Variants in APC observed in about 807,000 individuals in gnomAD.
The protein encoded by APC is APC regulator of Wnt signaling pathway, also known as adenomatous polyposis coli protein.
A neutral mutation model predicts 247.0 loss-of-function variants in APC; 72 were observed. The observed-to-expected ratio is 0.29, with a 90% confidence interval of 0.24 to 0.35. APC has a LOEUF of 0.35. Ranked by LOEUF, APC falls within the 10% of genes least tolerant of loss-of-function variation. APC has a pLI of 1.00. For missense variants in APC, 3,400 were observed against 3,360.7 expected, an observed-to-expected ratio of 1.01 and a Z score of -0.29; for synonymous variants, 1,254 against 1,162.5, an observed-to-expected ratio of 1.08 and a Z score of -1.60.
chr5:112,764,259 AAAAAG>A (rs1271889186), intron 2 of APC, among the ~76,000 whole-genome samples: 2 of 151,906 alleles, frequency 1.3e-5, no homozygotes, highest in East Asian at 3.9e-4. Flanking sequence ...AAAAAAAAAA[AAAAAG>A]AGACCTGATC....
intron 10 of APC, among the ~76,000 whole-genome samples, chr5:112,820,710 CT>C (rs1763030491): frequency 1.3e-5 from 2 of 152,114 alleles, no homozygotes; most frequent in Non-Finnish European, 2.9e-5. Flanking sequence ...TTTTTAAAAA[CT>C]TACGTCAAAT....
chr5:112,819,102 T>C lies in APC; in HGVS notation c.1070T>C (p.Ile357Thr), dbSNP rs753296795. Residue 357 changes from isoleucine (I) to threonine (T), a missense_variant, in exon 10 of 16, where the codon ATC (isoleucine) becomes ACC (threonine). By Grantham distance (89) the Ile-to-Thr change is moderately conservative (BLOSUM62 -1). This residue lies in a region of APC where 199 missense variants were observed against 212.5 expected (regional missense o/e 0.94). Transcript: ENST00000257430. ...MRQSGCLPLL[I>T]QLLHGNDKDS... ...CAGTCTGGATGTCTTCCTCTCCTCA[T>C]CCAGCTTTTACATGGCAATGACAAA... 6.2e-6 allele frequency: 10 copies of C among 1,613,988 alleles called. No homozygotes were observed. In the South Asian group the frequency reaches 9.9e-5, roughly 16 times the overall value.
At position 112,790,783 on chromosome 5, in the gene APC, A is replaced by C. The variant is rs1400936953; in HGVS notation, c.646-1663A>C. Among the ~76,000 whole-genome samples, 2 of 152,224 alleles carry C rather than the reference A, an allele frequency of 1.3e-5. 1 individual carries two copies. Among genetic ancestry groups the C allele is most frequent in the South Asian group, 4.1e-4 (2 of 4,836 alleles). The stretch of plus-strand genomic sequence containing the variant: ...GTAAGTTTTATAACTGCATGTATTT[A>C]AAGCTAATTGCCATAGTACTTTTAT... On this transcript the variant is annotated intron_variant, in intron 6 of 15. Transcript: ENST00000257430.
chr5:112,731,535 C>A (rs912646443), intron 1 of APC, among the ~76,000 whole-genome samples: 3 of 152,124 alleles, frequency 2.0e-5, no homozygotes, highest in Non-Finnish European at 2.9e-5. Context: ...GTGAATACCT[C>A]CCATTAGGCT....
chr5:112,774,514 G>C (rs979704237), intron 4 of APC, among the ~76,000 whole-genome samples: 1 of 127,732 alleles, frequency 7.8e-6, no homozygotes. Context: ...AGGCTGGAAT[G>C]CAGTGGTATG....
rs41116 is a variant in APC, at chr5:112,845,224, T to C, written c.*1098T>C. ...GTGATTAGCTCATCTTGATTTTTAA[T>C]ATTTTTCCACTTAAACTTTTTTTTC... On this transcript the variant is annotated 3_prime_UTR_variant, in exon 16 of 16. Coordinates refer to ENST00000257430, the MANE Select transcript of APC (RefSeq NM_000038.6). 102,249 of 232,296 alleles carry C rather than the reference T, an allele frequency of 0.44. 26,028 individuals are homozygous for C. The highest frequency in any genetic ancestry group is 0.72 in the East Asian group (11,719 of 16,340). The allele number at this position is 232,296 out of a possible 1,614,324, so 14.4% of individuals were successfully genotyped here. A position where few individuals can be genotyped will look rare whatever the true frequency, so the allele number is the denominator to read the frequency against.
chr5:112,763,189 A>G (rs1304383313), intron 2 of APC, among the ~76,000 whole-genome samples: 4 of 152,180 alleles, frequency 2.6e-5, no homozygotes, highest in Non-Finnish European at 2.9e-5. Context: ...AGTTGAGTAT[A>G]TTCACTATTT....
chr5:112,827,794 GA>G, intron 12 of APC, 134 bp from the exon 13 acceptor site: 1 of 714,924 alleles, frequency 1.4e-6, no homozygotes, highest in Non-Finnish European at 2.5e-6. Flanking sequence ...TCTTATTCTA[GA>G]TTTTTTATGA....
intron 1 of APC, among the ~76,000 whole-genome samples, chr5:112,746,934 A>G (rs1753751221): frequency 1.5e-5 from 2 of 134,410 alleles, no homozygotes; most frequent in South Asian, 5.4e-4. Context: ...TCATTTGATA[A>G]GGTGGCCACA....
At chr5:112,725,489 C>G (rs1751725981) in intron 1 of APC, among the ~76,000 whole-genome samples, 1 of 152,050 alleles carries the variant, frequency 6.6e-6, no homozygotes, top group Non-Finnish European at 1.5e-5. Flanking sequence ...CACAGTGGCT[C>G]ACGCCTGTAA....
At chr5:112,709,200 A>T (rs1300993258) in intron 1 of APC, among the ~76,000 whole-genome samples, 1 of 152,352 alleles carries the variant, frequency 6.6e-6, no homozygotes, top group East Asian at 1.9e-4. Flanking sequence ...CTGCTGTATT[A>T]GAATTGTATG....
chr5:112,754,552 A>G (rs1754740976), intron 1 of APC, among the ~76,000 whole-genome samples: 1 of 152,306 alleles, frequency 6.6e-6, no homozygotes, highest in African/African-American at 2.4e-5. Context: ...GCCTGTAAGA[A>G]TGGGTAAAAT....
chr5:112,814,616 A>C (rs1476260367), intron 8 of APC, among the ~76,000 whole-genome samples: 1 of 152,032 alleles, frequency 6.6e-6, no homozygotes, highest in African/African-American at 2.4e-5. Flanking sequence ...GAACCACTCA[A>C]CTGCTGAAAA....
At chr5:112,794,619 G>A (rs1196515672) in intron 7 of APC, among the ~76,000 whole-genome samples, 2 of 152,068 alleles carry the variant, frequency 1.3e-5, no homozygotes, top group Non-Finnish European at 2.9e-5. Context: ...TCCACCCCGT[G>A]TGCGTGTGCT....
In APC at chr5:112,792,482, A is replaced by T. The variant is rs1554074757; in HGVS notation, c.682A>T (p.Ile228Leu). The change falls in exon 7 of 16, where the codon ATA becomes TTA. Residue 228 changes from isoleucine to leucine, a missense_variant. Ile to Leu is a conservative substitution (Grantham distance 5, BLOSUM62 2). Around this residue, in one of 9 missense-constraint regions of APC, gnomAD observed 372 missense variants for 367.6 expected, o/e 1.01. Transcript: ENST00000257430. ...IARIQQIEKD[I>L]LRIRQLLQSQ... ...CAGAATTCAGCAAATCGAAAAGGAC[A>T]TACTTCGTATACGACAGCTTTTACA... is the stretch of plus-strand genomic sequence containing the variant. 6.2e-7 allele frequency: 1 copy of T among 1,612,518 alleles called. No individual in the cohort carries two copies. Among genetic ancestry groups the T allele is most frequent in the African/African-American group, 1.3e-5 (1 of 75,024 alleles).
chr5:112,749,124 C>T (rs138863865), intron 1 of APC, among the ~76,000 whole-genome samples: 1 of 152,034 alleles, frequency 6.6e-6, no homozygotes, highest in Non-Finnish European at 1.5e-5. Flanking sequence ...TTATATTGCA[C>T]TCTACTCGCA....
intron 1 of APC, among the ~76,000 whole-genome samples, chr5:112,746,762 AAGAT>A (rs1223696674): frequency 6.6e-6 from 1 of 152,230 alleles, no homozygotes; most frequent in Non-Finnish European, 1.5e-5. Context: ...AATCGAGAAT[AAGAT>A]AGTTTATTCG....
intron 1 of APC, among the ~76,000 whole-genome samples, chr5:112,727,988 G>A (rs1438631821): frequency 6.6e-6 from 1 of 151,468 alleles, no homozygotes; most frequent in Non-Finnish European, 1.5e-5. Flanking sequence ...CATAGGAAAG[G>A]ATAGTTTAAA....
chr5:112,819,021 T>C lies in APC; in HGVS notation c.989T>C (p.Met330Thr), dbSNP rs1554079959. ...CTTGGTACTCATGATAAGGATGATA[T>C]GTCGCGAACTTTGCTAGCTATGTCT... ...SMLGTHDKDD[M>T]SRTLLAMSSS... The change falls in exon 10 of 16, where the codon ATG becomes ACG. Residue 330 changes from methionine to threonine, a missense_variant. This residue lies in a region of APC where 199 missense variants were observed against 212.5 expected (regional missense o/e 0.94). Transcript: ENST00000257430. 4 of 1,614,026 alleles carry C rather than the reference T, an allele frequency of 2.5e-6. No individual in the cohort carries two copies. Among genetic ancestry groups the C allele is most frequent in the African/African-American group, 1.3e-5 (1 of 74,932 alleles).
Sources: gnomAD v4.1 joint callset for allele counts (sites outside exome capture counted in the v4.1 genomes callset) on GRCh38, gnomAD v4.1.1 for gene constraint, gnomAD v4.1.1 regional missense constraint, MANE v1.5 for transcripts, NCBI Gene and HGNC (gene_info 2026-07-23, HGNC 2026-07-21) for gene names.